The following LGI4 variants were observed in gnomAD, a reference collection of about 807,000 sequenced individuals.
LGI4 encodes the protein leucine rich repeat LGI family member 4.
In LGI4, 36 loss-of-function variants were observed where a neutral mutation model predicts 48.3. That is an observed-to-expected ratio of 0.75 (90% CI 0.57 to 0.98). LGI4 has a LOEUF of 0.98. LGI4 is among the 50% of genes least tolerant of loss of function. LGI4 has a pLI of 0.00. For synonymous variants in LGI4, 355 were observed against 331.6 expected (o/e 1.07, Z -0.77); for missense variants, 701 against 732.1 (o/e 0.96, Z 0.49).
Position 35,125,433 on chromosome 19 carries a change from T to C in LGI4, c.1374A>G (p.Pro458=), listed in dbSNP as rs774208337. 3.7e-6 allele frequency: 6 copies of C among 1,608,214 alleles called. No homozygotes were observed. Among genetic ancestry groups the C allele is most frequent in the Non-Finnish European group, 5.1e-6 (6 of 1,177,382 alleles). The change falls in exon 9 of 9, where the codon CCA becomes CCG. Residue 458 remains proline (P), a synonymous_variant. Coordinates refer to ENST00000310123, the MANE Select transcript of LGI4 (RefSeq NM_139284.3). The part of the protein sequence containing the change: ...LPSRGAHVFQ[P]LLIARDQLAI... The stretch of plus-strand genomic sequence containing the variant: ...CCAGCTGGTCCCTGGCGATGAGCAG[T>C]GGCTGGAAGACGTGGGCACCGCGCG...
rs955297621 is a variant in LGI4 at position 35,125,570 on chromosome 19, T to C, written c.1300-63A>G. ...GGGTCTCTGGGGGCCGTGGAACAGCTTGGAAGCAGAAGCCTGTCGGTCCCA... is the reference window on the plus strand; with the variant it reads ...GGGTCTCTGGGGGCCGTGGAACAGCCTGGAAGCAGAAGCCTGTCGGTCCCA... On this transcript the variant is annotated intron_variant, in intron 8 of 8. Coordinates refer to ENST00000310123, the MANE Select transcript of LGI4 (RefSeq NM_139284.3). 4 of 1,384,754 alleles carry C rather than the reference T, an allele frequency of 2.9e-6. 1 individual carries two copies. In the South Asian group the frequency reaches 5.7e-5, roughly 20 times the overall value. 85.8% of individuals were successfully genotyped at this position (1,384,754 alleles called of 1,614,324 possible).
At chr19:35,128,115 A>G (rs3803922) in intron 6 of LGI4, among the ~76,000 whole-genome samples, 53,046 of 152,154 alleles carry the variant, frequency 0.35, 9,518 homozygotes, top group South Asian at 0.5. Context: ...CAAGCCTGAA[A>G]GCAAGGACAA....
At chr19:35,130,949 C>T (rs755611141) in intron 6 of LGI4, 1 of 423,530 alleles carries the variant, frequency 2.4e-6, no homozygotes. Flanking sequence ...GGGCTGGCCT[C>T]ATCATTCTGT....
intron 5 of LGI4, 68 bp from the exon 6 acceptor site, chr19:35,131,623 C>G (rs2065175705): frequency 4.0e-6 from 6 of 1,512,208 alleles, no homozygotes; most frequent in Middle Eastern, 1.9e-4. Flanking sequence ...CTCCTGCCCC[C>G]ACCTCAGGCA....
In LGI4 at chr19:35,131,543, C is replaced by T. The variant is rs1187389432; in HGVS notation, c.471G>A (p.Gly157=). The change falls in exon 6 of 9, where the codon GGG becomes GGA. Residue 157 remains glycine, a synonymous_variant. Transcript: ENST00000310123. The part of the protein sequence containing the change: ...LDTLTHVDLR[G]NPFQCDCRVL... ...CGCGGCAGTCACACTGGAACGGGTT[C>T]CCGCGGAGGTCCCTGGGGCAAGAGG... is the stretch of plus-strand genomic sequence containing the variant. The T allele has an allele frequency of 2.6e-5, 40 of 1,550,690 alleles. No homozygotes were observed. Among genetic ancestry groups the T allele is most frequent in the Non-Finnish European group, 3.4e-5 (39 of 1,146,694 alleles).
intron 6 of LGI4, among the ~76,000 whole-genome samples, chr19:35,130,536 T>A (rs2145365324): frequency 6.6e-6 from 1 of 152,178 alleles, no homozygotes; most frequent in East Asian, 1.9e-4. Flanking sequence ...ACAAAAAAGT[T>A]TTTTAAAAAA....
At chr19:35,131,104 A>G (rs1327184262) in intron 6 of LGI4, 6 of 591,838 alleles carry the variant, frequency 1.0e-5, no homozygotes, top group African/African-American at 7.5e-5. Context: ...GGTTGCTTTT[A>G]TGTTAACAAG....
At chr19:35,131,946 G>T in intron 4 of LGI4, 25 bp downstream of exon 4, 1 of 1,580,372 alleles carries the variant, frequency 6.3e-7, no homozygotes, top group East Asian at 2.3e-5. Flanking sequence ...CTCTCATGGA[G>T]GGCTGGGGCG....
Position 35,131,945 on chromosome 19 carries a change from AGGGCTG to A in LGI4, c.386+20_386+25del, listed in dbSNP as rs776690753. On this transcript the variant is annotated intron_variant, in intron 4 of 8. Coordinates refer to ENST00000310123, the MANE Select transcript of LGI4 (RefSeq NM_139284.3). ...GGTGGAGCATGGGTGCCTCTCATGG[AGGGCTG>A]GGGCGGTGGAGGCACGCACAGGTGT... 1.9e-6 allele frequency: 3 copies of A among 1,580,050 alleles called. No individual in the cohort carries two copies. In the South Asian group the frequency reaches 3.5e-5, roughly 18 times the overall value.
chr19:35,125,951 G>T, intron 8 of LGI4: 1 of 537,988 alleles, frequency 1.9e-6, no homozygotes, highest in East Asian at 3.5e-5. Context: ...AGTGGGCAGT[G>T]CTTAACCCTA....
chr19:35,131,276 G>T, intron 6 of LGI4, 110 bp downstream of exon 6: 1 of 1,358,056 alleles, frequency 7.4e-7, no homozygotes, highest in Non-Finnish European at 1.0e-6. Flanking sequence ...GCTTGCTCAG[G>T]GTCTTCCCAC....
rs758115101 is a variant in LGI4, at chr19:35,126,377, C to A, written c.1192G>T (p.Glu398Ter). The change falls in exon 8 of 9, where the codon GAG (glutamate) becomes TAG (stop). Residue 398 changes from glutamate (E) to a stop codon, truncating the protein, a stop_gained. Coordinates refer to ENST00000310123, the MANE Select transcript of LGI4 (RefSeq NM_139284.3). LOFTEE classifies it high-confidence loss of function. Reference protein sequence around the residue: ...VLFHWTGGRFERRTDIPEAED... With the variant: ...VLFHWTGGRF ...GCCTCGGGGATGTCTGTGCGTCTCT[C>A]GAAGCGGCCACCGGTCCAGTGGAAG... The A allele has an allele frequency of 4.3e-6, 7 of 1,610,976 alleles. No individual in the cohort carries two copies. Among genetic ancestry groups the A allele is most frequent in the Non-Finnish European group, 5.1e-6 (6 of 1,179,516 alleles).
intron 6 of LGI4, among the ~76,000 whole-genome samples, chr19:35,130,131 C>T (rs894574976): frequency 2.0e-5 from 3 of 152,266 alleles, no homozygotes; most frequent in South Asian, 2.1e-4. Context: ...TATAGTCCTG[C>T]CACATCCCCC....
intron 6 of LGI4, chr19:35,131,160 G>T: frequency 1.6e-6 from 1 of 640,288 alleles, no homozygotes; most frequent in Non-Finnish European, 2.8e-6. Flanking sequence ...GGCGCCAAAT[G>T]CCGAACACGT....
intron 3 of LGI4, among the ~76,000 whole-genome samples, chr19:35,132,967 C>A (rs1034998503): frequency 1.3e-5 from 2 of 152,008 alleles, no homozygotes; most frequent in Non-Finnish European, 2.9e-5. Context: ...AACATCCTAC[C>A]CACAGCCATC....
intron 6 of LGI4, 79 bp downstream of exon 6, chr19:35,131,307 G>T: frequency 2.0e-6 from 3 of 1,506,126 alleles, no homozygotes; most frequent in Non-Finnish European, 2.7e-6. Flanking sequence ...GGCAGGGCAG[G>T]GAGTGAGACG....
intron 8 of LGI4, 144 bp downstream of exon 8, chr19:35,126,126 G>C: frequency 2.3e-6 from 2 of 886,774 alleles, no homozygotes; most frequent in Non-Finnish European, 3.5e-6. Context: ...CCAGCCTTGA[G>C]GGGGTCAGAG....
intron 6 of LGI4, among the ~76,000 whole-genome samples, chr19:35,130,229 G>C (rs954627154): frequency 1.3e-5 from 2 of 152,184 alleles, no homozygotes; most frequent in African/African-American, 4.8e-5. Flanking sequence ...CTGAGTGCCA[G>C]TCCCCTGGGC....
At chr19:35,128,516 C>T (rs1180242299) in intron 6 of LGI4, among the ~76,000 whole-genome samples, 2 of 152,254 alleles carry the variant, frequency 1.3e-5, no homozygotes, top group South Asian at 2.1e-4. Context: ...CGAGAGCAGC[C>T]TGGACAACAT....
Sources: allele counts gnomAD v4.1 joint callset (sites outside exome capture counted in the v4.1 genomes callset), GRCh38; gene constraint gnomAD v4.1.1; transcripts MANE v1.5; gene names NCBI Gene and HGNC (gene_info 2026-07-23, HGNC 2026-07-21).